The following ZNF536 variants were observed in gnomAD, a reference collection of about 807,000 sequenced individuals.
The protein encoded by ZNF536 is zinc finger protein 536.
Under a neutral mutation model 84.5 loss-of-function variants are expected in ZNF536, and 13 were observed. The ratio of observed to expected loss-of-function variants is 0.15; its 90% CI spans 0.10 to 0.24. ZNF536 has a LOEUF of 0.24. ZNF536 is among the 10% of genes least tolerant of loss of function. The pLI is 1.00. For missense variants in ZNF536, 1,536 were observed against 1,747.5 expected (o/e 0.88, Z 2.16); for synonymous variants, 811 against 742.5 (o/e 1.09, Z -1.50).
chr19:30,548,236 G>A lies in ZNF536; in HGVS notation c.2617G>A (p.Ala873Thr), dbSNP rs369321473. ...VLSSGDHSGQ[A>T]TGMSSEVPSD... ...CTCCTCTGGAGATCACTCGGGGCAGGCCACGGGCATGTCTTCGGAGGTCCC... is the reference window on the plus strand; with the variant it reads ...CTCCTCTGGAGATCACTCGGGGCAGACCACGGGCATGTCTTCGGAGGTCCC... The change falls in exon 4 of 5, where the codon GCC becomes ACC. Residue 873 changes from alanine to threonine, a missense_variant. Transcript: ENST00000355537. The A allele has an allele frequency of 1.9e-6, 3 of 1,614,204 alleles. No homozygotes were observed. The African/African-American group carries it at 4.0e-5, about 22-fold the overall frequency.
At chr19:30,266,383 G>C (rs745634848) in intron 1 of ZNF536, among the ~76,000 whole-genome samples, 3 of 152,134 alleles carry the variant, frequency 2.0e-5, no homozygotes, top group African/African-American at 7.2e-5. Flanking sequence ...ATCACGGTCA[G>C]ACTGATTGGC....
chr19:30,420,191 A>G (rs1334374690), intron 1 of ZNF536, among the ~76,000 whole-genome samples: 1 of 152,208 alleles, frequency 6.6e-6, no homozygotes, highest in African/African-American at 2.4e-5. Flanking sequence ...CCCTGTGCAC[A>G]TTTAAGAATT....
At position 30,557,179 on chromosome 19, in the gene ZNF536, G is replaced by T. The variant is rs201214050; in HGVS notation, c.*15G>T. The T allele has an allele frequency of 2.0e-5, 32 of 1,613,838 alleles. No individual in the cohort carries two copies. The highest frequency in any genetic ancestry group is 2.4e-5 in the Non-Finnish European group (28 of 1,179,886). ...CAGGTAAGTGACACTCCCTGTCCTA[G>T]TCGGTCTATCTGGACTTGCCCTTGT... On this transcript the variant is annotated 3_prime_UTR_variant, in exon 5 of 5. Coordinates refer to ENST00000355537, the MANE Select transcript of ZNF536 (RefSeq NM_014717.3).
chr19:30,531,146 T>C (rs552851082), intron 2 of ZNF536, among the ~76,000 whole-genome samples: 1 of 152,366 alleles, frequency 6.6e-6, no homozygotes, highest in Non-Finnish European at 1.5e-5. Flanking sequence ...CCCTTTTCTT[T>C]GTGAAGTAAT....
At position 30,666,925 on chromosome 19, in the gene ZNF536, G is replaced by A. The variant is rs902763367; in HGVS notation, c.170-43832G>A. Reference sequence around the variant, plus strand: ...CAGGATATTTTACAGAGCATATCAGGCAATTTCTGGAAAAGTCAGAAGTTG... The same window carrying A: ...CAGGATATTTTACAGAGCATATCAGACAATTTCTGGAAAAGTCAGAAGTTG... On this transcript the variant is annotated intron_variant, in intron 1 of 1. Transcript: ENST00000592773. Among the ~76,000 whole-genome samples, 4 of 151,680 alleles carry A rather than the reference G, an allele frequency of 2.6e-5. No homozygotes were observed. In the South Asian group the frequency reaches 6.3e-4, roughly 24 times the overall value.
chr19:30,430,047 G>A (rs1413777172), intron 1 of ZNF536, among the ~76,000 whole-genome samples: 1 of 151,960 alleles, frequency 6.6e-6, no homozygotes, highest in Admixed American at 6.6e-5. Flanking sequence ...TGTGAAGGGT[G>A]GGGGAGGGGA....
chr19:30,593,808 A>T (rs1024597229), intron 1 of ZNF536, among the ~76,000 whole-genome samples: 1 of 152,216 alleles, frequency 6.6e-6, no homozygotes, highest in Non-Finnish European at 1.5e-5. Context: ...TGGCCTTGAG[A>T]GCTGGGGTCT....
At chr19:30,345,869 G>A (rs1042358927) in intron 2 of ZNF536, among the ~76,000 whole-genome samples, 2 of 152,232 alleles carry the variant, frequency 1.3e-5, no homozygotes, top group East Asian at 1.9e-4. Context: ...AGAGCTGGAG[G>A]CAGAAGGAAG....
intron 1 of ZNF536, among the ~76,000 whole-genome samples, chr19:30,626,690 G>T (rs1372351595): frequency 6.6e-6 from 1 of 152,184 alleles, no homozygotes; most frequent in Non-Finnish European, 1.5e-5. Context: ...CACGACGCAA[G>T]GAAGCTCTCC....
At chr19:30,383,371 A>T (rs2049099498) in intron 1 of ZNF536, among the ~76,000 whole-genome samples, 2 of 152,202 alleles carry the variant, frequency 1.3e-5, no homozygotes, top group Non-Finnish European at 2.9e-5. Context: ...AGGAAGGTAG[A>T]TCTGTACCTT....
chr19:30,465,835 C>T (rs1346075004), intron 2 of ZNF536, among the ~76,000 whole-genome samples: 1 of 152,074 alleles, frequency 6.6e-6, no homozygotes, highest in African/African-American at 2.4e-5. Context: ...ACTGCAAGCT[C>T]CACCTCCCAG....
At chr19:30,276,624 G>A (rs1208564534) in intron 1 of ZNF536, among the ~76,000 whole-genome samples, 1 of 152,112 alleles carries the variant, frequency 6.6e-6, no homozygotes, top group Non-Finnish European at 1.5e-5. Flanking sequence ...ACCCAGATGA[G>A]CTTTTGTAAT....
chr19:30,536,391 C>T (rs2045083078), intron 3 of ZNF536, among the ~76,000 whole-genome samples: 1 of 152,166 alleles, frequency 6.6e-6, no homozygotes, highest in Non-Finnish European at 1.5e-5. Flanking sequence ...ACAGCCCTCA[C>T]ATCCCCTGCA....
intron 1 of ZNF536, among the ~76,000 whole-genome samples, chr19:30,592,580 A>C (rs1376543882): frequency 6.6e-6 from 1 of 152,190 alleles, no homozygotes; most frequent in African/African-American, 2.4e-5. Flanking sequence ...TTGACTGAAC[A>C]AGACGTGGTC....
At position 30,537,346 on chromosome 19, in the gene ZNF536, G is replaced by A. The variant is rs1451895856; in HGVS notation, c.2323+2347G>A. ...GGGGACCCGCAGACTGCCAGGATAC[G>A]GGAGGTGGTCCACAGGGCACCCATG... On this transcript the variant is annotated intron_variant, in intron 3 of 4. Coordinates refer to ENST00000355537, the MANE Select transcript of ZNF536 (RefSeq NM_014717.3). Among the ~76,000 whole-genome samples, 10 of 152,304 alleles carry A rather than the reference G, an allele frequency of 6.6e-5. No individual in the cohort carries two copies. The South Asian group carries it at 1.0e-3, about 16-fold the overall frequency.
At chr19:30,375,612 G>A (rs1260907803) in intron 1 of ZNF536, among the ~76,000 whole-genome samples, 4 of 152,244 alleles carry the variant, frequency 2.6e-5, no homozygotes, top group African/African-American at 9.6e-5. Context: ...CCTGTGTGGG[G>A]GTAGGGGCAG....
intron 2 of ZNF536, among the ~76,000 whole-genome samples, chr19:30,339,544 T>C (rs12972445): frequency 0.66 from 99,893 of 152,034 alleles, 34,115 homozygotes; most frequent in African/African-American, 0.84. Context: ...AGGGCTTGCC[T>C]ACCCTCGGGC....
intron 1 of ZNF536, among the ~76,000 whole-genome samples, chr19:30,624,395 G>A (rs1232266808): frequency 3.9e-5 from 6 of 152,110 alleles, no homozygotes; most frequent in African/African-American, 1.4e-4. Context: ...AGCTCCCCTG[G>A]GAATCTGAGC....
chr19:30,447,637 T>C (rs183909854), intron 2 of ZNF536, among the ~76,000 whole-genome samples: 20 of 152,334 alleles, frequency 1.3e-4, no homozygotes, highest in South Asian at 4.1e-4. Context: ...GTTTTCACCA[T>C]GTAAAGATAG....
Sources: gnomAD v4.1 joint callset for allele counts (sites outside exome capture counted in the v4.1 genomes callset) on GRCh38, gnomAD v4.1.1 for gene constraint, MANE v1.5 for transcripts, NCBI Gene and HGNC (gene_info 2026-07-23, HGNC 2026-07-21) for gene names.